Variants in VAX2 observed in about 807,000 individuals in gnomAD.
The protein encoded by VAX2 is ventral anterior homeobox 2.
In VAX2, 8 loss-of-function variants were observed where a neutral mutation model predicts 12.5. The ratio of observed to expected loss-of-function variants is 0.64; its 90% CI spans 0.37 to 1.15. The LOEUF (loss-of-function observed/expected upper bound fraction) is 1.15, where lower values mean the gene tolerates loss of function less well. Among genes scored for constraint, VAX2 ranks in the 50% most tolerant of loss-of-function variants. VAX2 has a pLI of 0.01. For synonymous variants in VAX2, 183 were observed against 187.6 expected, an observed-to-expected ratio of 0.98 and a Z score of 0.20; for missense variants, 476 against 412.9, an observed-to-expected ratio of 1.15 and a Z score of -1.32.
At chr2:70,925,000 C>T (rs989548087) in intron 2 of VAX2, among the ~76,000 whole-genome samples, 22 of 152,178 alleles carry the variant, frequency 1.4e-4, no homozygotes, top group Admixed American at 5.2e-4. Flanking sequence ...GGAGAAACAG[C>T]CAGATGAGGA....
chr2:70,907,343 C>CAAGTCAA (rs1679083271), intron 1 of VAX2, among the ~76,000 whole-genome samples: 1 of 152,262 alleles, frequency 6.6e-6, no homozygotes. Context: ...AATGGTGAGT[C>CAAGTCAA]TCCCGGCTTT....
At chr2:70,907,345 CCCGGCTT>C (rs1460282997) in intron 1 of VAX2, among the ~76,000 whole-genome samples, 1 of 152,238 alleles carries the variant, frequency 6.6e-6, no homozygotes, top group Non-Finnish European at 1.5e-5. Context: ...TGGTGAGTCT[CCCGGCTT>C]TCGGCTTTCG....
At chr2:70,915,450 G>C (rs782204887) in intron 1 of VAX2, among the ~76,000 whole-genome samples, 1 of 151,054 alleles carries the variant, frequency 6.6e-6, no homozygotes, top group Non-Finnish European at 1.5e-5. Context: ...GGCTGGTCTC[G>C]AACTCCTGAC....
At position 70,903,787 on chromosome 2, in the gene VAX2, C is replaced by A. The variant is rs3771402; in HGVS notation, c.247+2919C>A. On this transcript the variant is annotated intron_variant, in intron 1 of 2. Coordinates refer to ENST00000234392, the MANE Select transcript of VAX2 (RefSeq NM_012476.3). ...AGGCCTCTCCCAAGTCACCCCTTTC[C>A]CCCTCCTTCTGGCTCTGGGCCCGGG... 6.9e-3 allele frequency among the ~76,000 whole-genome samples: 1,051 copies of A among 152,160 alleles called. 11 individuals carry two copies. The highest frequency in any genetic ancestry group is 0.024 in the African/African-American group (997 of 41,504).
At chr2:70,900,934 C>T (rs1678909656) in intron 1 of VAX2, 66 bp downstream of exon 1, 1 of 1,263,454 alleles carries the variant, frequency 7.9e-7, no homozygotes, top group Non-Finnish European at 1.0e-6. Flanking sequence ...GGCCCCCGAC[C>T]TAGCTGCAGC....
rs142434739 is a variant in VAX2 at position 70,921,218 on chromosome 2, G to A, written c.368G>A (p.Arg123His). ...TACCGCCTGGAGATGGAGTTCCAGC[G>A]CTGCCAGTATGTGGTGGGCCGCGAG... ...QLYRLEMEFQ[R>H]CQYVVGRERT... The change falls in exon 2 of 3, where the codon CGC becomes CAC. Residue 123 changes from arginine to histidine, a missense_variant. Coordinates refer to ENST00000234392, the MANE Select transcript of VAX2 (RefSeq NM_012476.3). The A allele has an allele frequency of 1.6e-4, 263 of 1,613,604 alleles. No individual in the cohort carries two copies. The Middle Eastern group carries it at 1.7e-3, about 10-fold the overall frequency.
At chr2:70,907,942 C>T (rs1679096911) in intron 1 of VAX2, among the ~76,000 whole-genome samples, 1 of 152,166 alleles carries the variant, frequency 6.6e-6, no homozygotes, top group Non-Finnish European at 1.5e-5. Context: ...TCTTGCTGTC[C>T]CTTGACTGTA....
At chr2:70,930,516 G>C (rs1320275011) in intron 2 of VAX2, among the ~76,000 whole-genome samples, 1 of 152,182 alleles carries the variant, frequency 6.6e-6, no homozygotes, top group African/African-American at 2.4e-5. Flanking sequence ...CCTCCTCCAG[G>C]ATCAGACGAC....
Position 70,933,069 on chromosome 2 carries a change from AGCTGTCT to A in VAX2, c.742_748del (p.Val248PhefsTer26). The A allele has an allele frequency of 1.9e-6, 3 of 1,608,372 alleles. No homozygotes were observed. The highest frequency in any genetic ancestry group is 2.5e-6 in the Non-Finnish European group (3 of 1,177,642). On this transcript the variant is annotated frameshift_variant, in exon 3 of 3. Coordinates refer to ENST00000234392, the MANE Select transcript of VAX2 (RefSeq NM_012476.3). LOFTEE classifies it high-confidence loss of function. ...CCCCCCCACTGCCGCCCCCTCTGCC[AGCTGTCT>A]GCTTTTCCTCGGCCCCGCTCCTGGA...
rs1454560039 is a variant in VAX2, at chr2:70,914,310, G to A, written c.248-6788G>A. ...TAAAAAATTACAAAAATTAGGGGGC[G>A]TGGTGATGGGCACCTGTAATCCCAG... is the stretch of plus-strand genomic sequence containing the variant. On this transcript the variant is annotated intron_variant, in intron 1 of 2. Transcript: ENST00000234392. Among the ~76,000 whole-genome samples, 6 of 152,236 alleles carry A rather than the reference G, an allele frequency of 3.9e-5. No individual in the cohort carries two copies. In the South Asian group the frequency reaches 6.2e-4, roughly 16 times the overall value.
intron 1 of VAX2, among the ~76,000 whole-genome samples, chr2:70,905,902 T>C (rs781960729): frequency 6.6e-5 from 10 of 152,228 alleles, no homozygotes; most frequent in Admixed American, 4.6e-4. Context: ...ATGCATCACG[T>C]TGGCCTGGGT....
chr2:70,900,806 CCGACAG>C lies in VAX2; in HGVS notation c.190_195del (p.Ser64_Asp65del), dbSNP rs1391253153. 4.0e-6 allele frequency: 6 copies of C among 1,491,354 alleles called. No individual in the cohort carries two copies. In the African/African-American group the frequency reaches 8.6e-5, roughly 21 times the overall value. The allele number at this position is 1,491,354 out of a possible 1,614,324, so 92.4% of individuals were successfully genotyped here. On this transcript the variant is annotated inframe_deletion, in exon 1 of 3. Transcript: ENST00000234392. The stretch of plus-strand genomic sequence containing the variant: ...CCCGCAGGCTCCAGGGAGAGTGGAG[CCGACAG>C]CGACGGGCAGCCCGGGCCCGGCGAG...
intron 1 of VAX2, among the ~76,000 whole-genome samples, chr2:70,901,611 G>A (rs1678930247): frequency 6.6e-6 from 1 of 152,222 alleles, no homozygotes; most frequent in South Asian, 2.1e-4. Context: ...CTTCCTGCAA[G>A]CTCCTCCATC....
intron 1 of VAX2, among the ~76,000 whole-genome samples, chr2:70,909,832 T>G (rs1679144357): frequency 6.6e-6 from 1 of 152,228 alleles, no homozygotes; most frequent in South Asian, 2.1e-4. Context: ...GGTTGTACTT[T>G]TTCATTATTA....
At chr2:70,911,438 G>A (rs950162555) in intron 1 of VAX2, among the ~76,000 whole-genome samples, 2 of 152,030 alleles carry the variant, frequency 1.3e-5, no homozygotes, top group South Asian at 2.1e-4. Flanking sequence ...CTACGCCAAC[G>A]TTTCTGTGTG....
chr2:70,909,319 C>T (rs1371523532), intron 1 of VAX2, among the ~76,000 whole-genome samples: 4 of 151,970 alleles, frequency 2.6e-5, no homozygotes, highest in African/African-American at 9.7e-5. Context: ...GCACTCCCCA[C>T]AATGCTGGCC....
chr2:70,930,680 C>T (rs1435194240), intron 2 of VAX2, among the ~76,000 whole-genome samples: 1 of 152,202 alleles, frequency 6.6e-6, no homozygotes, highest in Non-Finnish European at 1.5e-5. Flanking sequence ...CCCAGGTGGC[C>T]CAGTCTGTCT....
intron 1 of VAX2, among the ~76,000 whole-genome samples, chr2:70,914,473 G>C (rs1252214574): frequency 6.6e-6 from 1 of 152,024 alleles, no homozygotes; most frequent in Non-Finnish European, 1.5e-5. Context: ...AAAATAATTG[G>C]AGCAAAAGTT....
chr2:70,915,047 C>A (rs968335288), intron 1 of VAX2, among the ~76,000 whole-genome samples: 2 of 152,006 alleles, frequency 1.3e-5, no homozygotes, highest in Non-Finnish European at 2.9e-5. Flanking sequence ...GTGATCTGCC[C>A]ACCTCGGCCT....
Sources: gnomAD v4.1 joint callset for allele counts (sites outside exome capture counted in the v4.1 genomes callset) on GRCh38, gnomAD v4.1.1 for gene constraint, MANE v1.5 for transcripts, NCBI Gene and HGNC (gene_info 2026-07-23, HGNC 2026-07-21) for gene names.